The following CYB5R4 variants were observed in gnomAD, a reference collection of about 807,000 sequenced individuals.
CYB5R4 encodes N-terminal cytochrome b5 and cytochrome b5 oxidoreductase domain-containing protein.
In CYB5R4, 55 loss-of-function variants were observed where a neutral mutation model predicts 70.2. The observed-to-expected ratio is 0.78, with a 90% CI of 0.63 to 0.98. The LOEUF (loss-of-function observed/expected upper bound fraction) is 0.98. Ranked by LOEUF, CYB5R4 falls within the 50% of genes least tolerant of loss-of-function variation. The pLI is 0.00. For missense variants in CYB5R4, 562 were observed against 612.6 expected (o/e 0.92, Z 0.87); for synonymous variants, 197 against 199.5 (o/e 0.99, Z 0.11).
At chr6:83,872,030 A>C (rs1431320940) in intron 2 of CYB5R4, among the ~76,000 whole-genome samples, 2 of 152,090 alleles carry the variant, frequency 1.3e-5, no homozygotes. Context: ...TATTAGTGAT[A>C]TAGCTAGTTT....
At chr6:83,895,446 G>T (rs1032436549) in intron 3 of CYB5R4, among the ~76,000 whole-genome samples, 6 of 152,132 alleles carry the variant, frequency 3.9e-5, no homozygotes, top group African/African-American at 1.4e-4. Context: ...GATTATAGGT[G>T]TGAGCCATTG....
chr6:83,936,210 A>T lies in CYB5R4; in HGVS notation c.956-14A>T. 1 of 1,510,962 alleles carries T rather than the reference A, an allele frequency of 6.6e-7. No homozygotes were observed. The highest frequency in any genetic ancestry group is 8.9e-7 in the Non-Finnish European group (1 of 1,128,872). 93.6% of individuals were successfully genotyped at this position (1,510,962 alleles called of 1,614,324 possible). A position where few individuals can be genotyped will look rare whatever the true frequency, so the allele number is the denominator to read the frequency against. On this transcript the variant is annotated splice_polypyrimidine_tract_variant and intron_variant, in intron 11 of 15. Transcript: ENST00000369681. ...TTTAGAATTTAATTATTTTGCTGTG[A>T]TTTTTTTTTCTAGGTACAGAAATAG...
intron 3 of CYB5R4, among the ~76,000 whole-genome samples, chr6:83,898,490 G>A (rs1268616267): frequency 2.1e-3 from 316 of 152,082 alleles, no homozygotes; most frequent in Admixed American, 8.4e-3. Flanking sequence ...GTTTTTTCCA[G>A]TTCTGTGAAG....
chr6:83,949,093 A>G (rs1350130482), intron 14 of CYB5R4, among the ~76,000 whole-genome samples: 2 of 146,766 alleles, frequency 1.4e-5, no homozygotes, highest in Non-Finnish European at 1.5e-5. Context: ...TATGATCCCC[A>G]TAGACTCCTG....
intron 4 of CYB5R4, 21 bp from the exon 5 acceptor site, chr6:83,914,395 T>C (rs1562837582): frequency 3.9e-6 from 6 of 1,529,070 alleles, no homozygotes; most frequent in Non-Finnish European, 5.3e-6. Context: ...ATTTGACTTT[T>C]TTTTCTAAAT....
intron 2 of CYB5R4, among the ~76,000 whole-genome samples, chr6:83,884,158 T>TA (rs2099459898): frequency 6.6e-6 from 1 of 151,918 alleles, no homozygotes; most frequent in Non-Finnish European, 1.5e-5. Flanking sequence ...TGATAGTTTA[T>TA]AATAATTATC....
At chr6:83,868,598 G>A (rs998987177) in intron 2 of CYB5R4, among the ~76,000 whole-genome samples, 2 of 152,080 alleles carry the variant, frequency 1.3e-5, no homozygotes, top group African/African-American at 2.4e-5. Flanking sequence ...TGAAGAAATC[G>A]GTTTGTAGGG....
intron 3 of CYB5R4, among the ~76,000 whole-genome samples, chr6:83,905,412 G>C (rs952148183): frequency 6.6e-6 from 1 of 152,110 alleles, no homozygotes; most frequent in Non-Finnish European, 1.5e-5. Context: ...CTGTGATGTT[G>C]GTGGGGTAGG....
chr6:83,953,552 G>A (rs936106150), intron 14 of CYB5R4, among the ~76,000 whole-genome samples: 1 of 152,022 alleles, frequency 6.6e-6, no homozygotes, highest in Non-Finnish European at 1.5e-5. Flanking sequence ...GGGCAGTGAG[G>A]AATCACTGAA....
In CYB5R4 at chr6:83,940,194, T is replaced by C. The variant is rs2099469535; in HGVS notation, c.1247T>C (p.Ile416Thr). The change falls in exon 13 of 16, where the codon ATA (isoleucine) becomes ACA (threonine). Residue 416 changes from isoleucine to threonine, a missense_variant. Physicochemically the swap from Ile to Thr is moderately conservative, Grantham distance 89 (BLOSUM62 -1). Coordinates refer to ENST00000369681, the MANE Select transcript of CYB5R4 (RefSeq NM_016230.4). ...ATACTGAATTATGCTTTGACTGATA[T>C]ACCCAGTCTCAGGTATGTAATTTTG... ...VKILNYALTD[I>T]PSLRKVKLMF... 6.2e-7 allele frequency: 1 copy of C among 1,606,526 alleles called. No individual in the cohort carries two copies.
At chr6:83,910,330 A>T in intron 4 of CYB5R4, 1 of 581,006 alleles carries the variant, frequency 1.7e-6, no homozygotes, top group Non-Finnish European at 3.0e-6. Flanking sequence ...ACTAACTGAT[A>T]GGGGAGAAGT....
chr6:83,966,899 A>G lies in CYB5R4; in HGVS notation c.*7021A>G, dbSNP rs141436245. On this transcript the variant is annotated 3_prime_UTR_variant, in exon 16 of 16. Coordinates refer to ENST00000369681, the MANE Select transcript of CYB5R4 (RefSeq NM_016230.4). ...AAAGAGCACCAGAGAGTATACATCC[A>G]AAAAGACCAACATTAATATAAATTT... 74 of 152,346 alleles carry G rather than the reference A, an allele frequency of 4.9e-4. 1 individual carries two copies. In the East Asian group the frequency reaches 0.013, roughly 27 times the overall value. The allele number at this position is 152,346 out of a possible 1,614,324, so 9.4% of individuals were successfully genotyped here. A position where few individuals can be genotyped will look rare whatever the true frequency, so the allele number is the denominator to read the frequency against.
At chr6:83,889,213 G>GA (rs1486054115) in intron 2 of CYB5R4, among the ~76,000 whole-genome samples, 2 of 152,222 alleles carry the variant, frequency 1.3e-5, no homozygotes, top group African/African-American at 4.8e-5. Flanking sequence ...GATCAGTGAT[G>GA]TAGTTGAATA....
intron 7 of CYB5R4, among the ~76,000 whole-genome samples, 156 bp from the exon 8 acceptor site, chr6:83,920,926 G>C (rs527577757): frequency 1.1e-3 from 166 of 152,096 alleles, no homozygotes; most frequent in African/African-American, 3.7e-3. Flanking sequence ...AGAAGAACTG[G>C]GTTGTAAGAG....
At chr6:83,925,288 G>A (rs1010728236) in intron 10 of CYB5R4, among the ~76,000 whole-genome samples, 5 of 151,964 alleles carry the variant, frequency 3.3e-5, no homozygotes, top group African/African-American at 4.8e-5. Flanking sequence ...ACTCTGTCAC[G>A]AGAACACCAC....
intron 2 of CYB5R4, among the ~76,000 whole-genome samples, chr6:83,880,862 G>T (rs144837560): frequency 2.1e-3 from 314 of 152,290 alleles, no homozygotes; most frequent in African/African-American, 7.0e-3. Context: ...ATATTGGGCC[G>T]GTCTACTCTC....
intron 10 of CYB5R4, 137 bp from the exon 11 acceptor site, chr6:83,934,458 T>C (rs1273301136): frequency 1.7e-6 from 1 of 580,600 alleles, no homozygotes; most frequent in African/African-American, 1.9e-5. Flanking sequence ...TATTGATTAA[T>C]TTTTTAAATG....
Position 83,923,008 on chromosome 6 carries a change from A to AT in CYB5R4, c.691+546dup, listed in dbSNP as rs1031869663. ...CATGTGGCCCCGACTGGCCCCCCTT[A>AT]TTTTTTTTCTCTCTTTAACCTTTCT... On this transcript the variant is annotated intron_variant, in intron 9 of 15. Coordinates refer to ENST00000369681, the MANE Select transcript of CYB5R4 (RefSeq NM_016230.4). 7.4e-4 allele frequency among the ~76,000 whole-genome samples: 108 copies of AT among 146,460 alleles called. 2 individuals carry two copies. The highest frequency in any genetic ancestry group is 1.4e-4 in the Non-Finnish European group (9 of 66,334).
chr6:83,914,057 T>G (rs1049533560), intron 4 of CYB5R4, among the ~76,000 whole-genome samples: 6 of 152,192 alleles, frequency 3.9e-5, no homozygotes, highest in Admixed American at 1.3e-4. Context: ...TATAATCTAA[T>G]AAATTCTGGT....
Sources: allele counts gnomAD v4.1 joint callset (sites outside exome capture counted in the v4.1 genomes callset), GRCh38; gene constraint gnomAD v4.1.1; transcripts MANE v1.5; gene names NCBI Gene and HGNC (gene_info 2026-07-23, HGNC 2026-07-21).